POLK: variants seen among roughly 807,000 people sequenced by gnomAD.
The protein encoded by POLK is DNA polymerase kappa, also known as polymerase (DNA directed) kappa.
POLK carries 76 observed loss-of-function variants against 94.0 expected under a neutral mutation model. The ratio of observed to expected loss-of-function variants is 0.81; its 90% CI spans 0.67 to 0.98. The LOEUF (loss-of-function observed/expected upper bound fraction) is 0.98. Among genes scored for constraint, POLK ranks in the 50% least tolerant of loss-of-function variants. The probability of loss-of-function intolerance (pLI) is 0.00; values close to 1 mark genes in which losing one functional copy is unlikely to be tolerated. For missense variants in POLK, 954 were observed against 1,010.1 expected (o/e 0.94, Z 0.75); for synonymous variants, 349 against 325.4 (o/e 1.07, Z -0.78).
chr5:75,604,310 C>A (rs1773367406), downstream of POLK, among the ~76,000 whole-genome samples: 1 of 151,762 alleles, frequency 6.6e-6, no homozygotes, highest in Non-Finnish European at 1.5e-5. Flanking sequence ...TGACTATTAA[C>A]CTGGGGCTAA....
intron 1 of POLK, among the ~76,000 whole-genome samples, chr5:75,533,136 A>G (rs1769263711): frequency 6.6e-6 from 1 of 152,104 alleles, no homozygotes; most frequent in African/African-American, 2.4e-5. Context: ...TGCTTTTGGC[A>G]TATTCATCAT....
intron 1 of POLK, among the ~76,000 whole-genome samples, chr5:75,522,941 T>C (rs1768656504): frequency 6.6e-6 from 1 of 152,144 alleles, no homozygotes; most frequent in Non-Finnish European, 1.5e-5. Context: ...ATAAATTTGC[T>C]CAAAGAAGAA....
chr5:75,578,570 C>T (rs1211992109), intron 6 of POLK, among the ~76,000 whole-genome samples: 2 of 152,156 alleles, frequency 1.3e-5, no homozygotes, highest in Non-Finnish European at 2.9e-5. Flanking sequence ...CGTGTATTTT[C>T]ATATTCTTAA....
At chr5:75,544,922 A>G (rs1290698698) in intron 1 of POLK, among the ~76,000 whole-genome samples, 3 of 152,136 alleles carry the variant, frequency 2.0e-5, no homozygotes, top group Admixed American at 6.5e-5. Flanking sequence ...ACCAACCTAT[A>G]TTCCCCTGGG....
intron 4 of POLK, among the ~76,000 whole-genome samples, chr5:75,572,174 G>A (rs912284049): frequency 2.0e-5 from 3 of 152,118 alleles, no homozygotes; most frequent in Non-Finnish European, 2.9e-5. Flanking sequence ...GGTCTACCAC[G>A]TTCACATAGA....
intron 4 of POLK, among the ~76,000 whole-genome samples, chr5:75,571,268 A>G (rs555741418): frequency 6.6e-6 from 1 of 152,280 alleles, no homozygotes; most frequent in African/African-American, 2.4e-5. Flanking sequence ...ATATCTACAA[A>G]TTAATGGGAG....
exon 13 of POLK, chr5:75,596,815 G>A: frequency 6.2e-7 from 1 of 1,610,904 alleles, no homozygotes; most frequent in Non-Finnish European, 8.5e-7. Flanking sequence ...AGATACTATA[G>A]ATAACTCATC....
intron 1 of POLK, among the ~76,000 whole-genome samples, chr5:75,514,732 G>A (rs1309015069): frequency 2.0e-5 from 3 of 152,056 alleles, no homozygotes; most frequent in African/African-American, 7.2e-5. Context: ...AGGCATAATG[G>A]CACATATCTG....
At chr5:75,522,015 A>C (rs541839320) in intron 1 of POLK, among the ~76,000 whole-genome samples, 23 of 152,218 alleles carry the variant, frequency 1.5e-4, no homozygotes, top group Non-Finnish European at 2.8e-4. Flanking sequence ...TCCTTTGACT[A>C]AGTTAAAGAG....
At chr5:75,529,717 A>T (rs956175683) in intron 1 of POLK, among the ~76,000 whole-genome samples, 18 of 152,184 alleles carry the variant, frequency 1.2e-4, no homozygotes, top group African/African-American at 4.3e-4. Flanking sequence ...AAGTACACAG[A>T]TTATAATCTT....
chr5:75,594,110 C>A, intron 12 of POLK, 61 bp downstream of exon 12: 1 of 1,304,476 alleles, frequency 7.7e-7, no homozygotes, highest in Non-Finnish European at 1.1e-6. Flanking sequence ...AAATAATCAA[C>A]TTTGGGAATA....
intron 3 of POLK, among the ~76,000 whole-genome samples, chr5:75,553,096 C>A (rs2112664928): frequency 6.6e-6 from 1 of 152,250 alleles, no homozygotes; most frequent in South Asian, 2.1e-4. Flanking sequence ...TGTACATGAA[C>A]TTTTAAGACA....
chr5:75,541,496 C>G (rs1251720249), intron 1 of POLK, among the ~76,000 whole-genome samples: 1 of 152,006 alleles, frequency 6.6e-6, no homozygotes, highest in East Asian at 1.9e-4. Context: ...TCCCTCTGTC[C>G]CATTCTTCTT....
intron 1 of POLK, among the ~76,000 whole-genome samples, chr5:75,545,837 G>C (rs573633142): frequency 6.6e-6 from 1 of 152,294 alleles, no homozygotes; most frequent in Admixed American, 6.5e-5. Flanking sequence ...CAACACATGT[G>C]TTGCCACTTG....
At chr5:75,573,740 T>C in exon 5 of POLK, 2 of 1,612,480 alleles carry the variant, frequency 1.2e-6, no homozygotes, top group Non-Finnish European at 1.7e-6. Flanking sequence ...TCTTTCAGTC[T>C]ACTTCAAATT....
chr5:75,522,065 C>T (rs1768613669), intron 1 of POLK, among the ~76,000 whole-genome samples: 1 of 152,198 alleles, frequency 6.6e-6, no homozygotes, highest in African/African-American at 2.4e-5. Context: ...CTGCCTTCCC[C>T]ATCTGTCTCT....
intron 1 of POLK, among the ~76,000 whole-genome samples, chr5:75,531,791 CAA>C (rs200411407): frequency 4.9e-5 from 7 of 141,558 alleles, no homozygotes; most frequent in Middle Eastern, 7.0e-3. Flanking sequence ...GACTCTGTCT[CAA>C]AAAAAAAAAT....
At chr5:75,584,671 C>CAAA in intron 8 of POLK, 89 bp from the exon 9 acceptor site, 47 of 636,874 alleles carry the variant, frequency 7.4e-5, no homozygotes, top group Non-Finnish European at 8.8e-5. Flanking sequence ...GACTCCATCT[C>CAAA]AAAAAAAAAA....
In POLK at chr5:75,576,180, T is replaced by C. The variant is rs5744652; in HGVS notation, c.541-600T>C. On this transcript the variant is annotated intron_variant, in intron 5 of 14. Coordinates refer to ENST00000241436, the Ensembl canonical transcript of POLK. Reference sequence around the variant, plus strand: ...TTTAAGGTAATCATGGAGTACACTATAGATTGTCATTTTTTTCCATTCCAG... The same window carrying C: ...TTTAAGGTAATCATGGAGTACACTACAGATTGTCATTTTTTTCCATTCCAG... Among the ~76,000 whole-genome samples, 5 of 152,290 alleles carry C rather than the reference T, an allele frequency of 3.3e-5. No individual in the cohort carries two copies. In the East Asian group the frequency reaches 7.7e-4, roughly 23 times the overall value.
Sources: allele counts gnomAD v4.1 joint callset (sites outside exome capture counted in the v4.1 genomes callset), GRCh38; gene constraint gnomAD v4.1.1; transcripts MANE v1.5; gene names NCBI Gene and HGNC (gene_info 2026-07-23, HGNC 2026-07-21).